The following ELAPOR2 variants were observed in gnomAD, a reference collection of about 807,000 sequenced individuals.
ELAPOR2 encodes the protein endosome-lysosome associated apoptosis and autophagy regulator family member 2.
Under a neutral mutation model 120.7 loss-of-function variants are expected in ELAPOR2, and 89 were observed. The ratio of observed to expected loss-of-function variants is 0.74; its 90% CI spans 0.62 to 0.88. ELAPOR2 has a LOEUF of 0.88. ELAPOR2 is among the 40% of genes least tolerant of loss of function. The pLI is 0.00. For synonymous variants in ELAPOR2, 444 were observed against 444.9 expected (o/e 1.00, Z 0.03); for missense variants, 1,134 against 1,251.6 (o/e 0.91, Z 1.42).
chr7:87,016,754 G>T (rs1388410328), intron 1 of ELAPOR2, among the ~76,000 whole-genome samples: 2 of 151,332 alleles, frequency 1.3e-5, no homozygotes, highest in African/African-American at 4.8e-5. Context: ...ACTACACAAC[G>T]TGGGTTCTGA....
chr7:86,906,500 C>G (rs944882135), intron 18 of ELAPOR2, among the ~76,000 whole-genome samples: 53 of 152,098 alleles, frequency 3.5e-4, no homozygotes, highest in African/African-American at 1.3e-3. Flanking sequence ...ACCCCTGTAA[C>G]TATTTTTAGG....
chr7:86,897,744 G>T, intron 18 of ELAPOR2, 112 bp from the exon 19 acceptor site: 1 of 1,228,426 alleles, frequency 8.1e-7, no homozygotes. Context: ...CTGTGTGGAT[G>T]CTGAAGAAAC....
chr7:87,040,661 G>GA (rs1652699490), intron 1 of ELAPOR2, among the ~76,000 whole-genome samples: 3 of 152,188 alleles, frequency 2.0e-5, no homozygotes, highest in South Asian at 4.1e-4. Context: ...ACAAAGAGGG[G>GA]AAAAAACAGA....
intron 7 of ELAPOR2, 75 bp from the exon 8 acceptor site, chr7:86,938,289 A>G (rs1255643834): frequency 2.7e-6 from 3 of 1,124,450 alleles, no homozygotes; most frequent in Non-Finnish European, 3.9e-6. Flanking sequence ...AAAGCAAAAC[A>G]GAAAAAGCAA....
intron 1 of ELAPOR2, among the ~76,000 whole-genome samples, chr7:87,056,147 A>G (rs953188598): frequency 1.3e-5 from 2 of 152,310 alleles, no homozygotes; most frequent in African/African-American, 2.4e-5. Context: ...GGATGGGCCT[A>G]TCCTAGGAAC....
intron 1 of ELAPOR2, among the ~76,000 whole-genome samples, chr7:87,044,018 A>C (rs1293054192): frequency 4.1e-5 from 6 of 145,156 alleles, no homozygotes; most frequent in African/African-American, 1.6e-4. Flanking sequence ...TGCTTCAAAG[A>C]GAATAAAATA....
intron 12 of ELAPOR2, among the ~76,000 whole-genome samples, chr7:86,916,877 G>T (rs1321238929): frequency 6.6e-6 from 1 of 150,784 alleles, no homozygotes; most frequent in Admixed American, 6.6e-5. Flanking sequence ...GTAGTGGCAT[G>T]ATCATGTAGC....
At chr7:87,052,465 T>G (rs763395053) in intron 1 of ELAPOR2, among the ~76,000 whole-genome samples, 1 of 152,168 alleles carries the variant, frequency 6.6e-6, no homozygotes, top group Non-Finnish European at 1.5e-5. Flanking sequence ...AAGATGAGAT[T>G]TGGGTGGGAA....
intron 1 of ELAPOR2, among the ~76,000 whole-genome samples, chr7:86,982,863 A>G (rs1792557721): frequency 6.6e-6 from 1 of 152,144 alleles, no homozygotes; most frequent in Non-Finnish European, 1.5e-5. Flanking sequence ...AGTAGGCTTC[A>G]GAAGGTCAGT....
At chr7:86,912,847 C>T in intron 14 of ELAPOR2, 94 bp downstream of exon 14, 2 of 1,415,230 alleles carry the variant, frequency 1.4e-6, no homozygotes, top group Non-Finnish European at 1.9e-6. Flanking sequence ...TAAATAGCAA[C>T]CTCATAGCTC....
intron 1 of ELAPOR2, among the ~76,000 whole-genome samples, chr7:87,017,083 G>A (rs1793893131): frequency 6.6e-6 from 1 of 152,112 alleles, no homozygotes; most frequent in African/African-American, 2.4e-5. Context: ...ATGCCATAAT[G>A]TTGAAGACGA....
chr7:87,000,156 G>A (rs557839281), intron 1 of ELAPOR2, among the ~76,000 whole-genome samples: 21 of 151,854 alleles, frequency 1.4e-4, no homozygotes, highest in East Asian at 3.9e-4. Context: ...TGGTTAATAC[G>A]CATCATTCCT....
At chr7:86,887,914 T>C (rs1042300617) in intron 21 of ELAPOR2, among the ~76,000 whole-genome samples, 1 of 151,950 alleles carries the variant, frequency 6.6e-6, no homozygotes, top group Non-Finnish European at 1.5e-5. Context: ...TATACACCAC[T>C]ACATAAGGTT....
intron 2 of ELAPOR2, among the ~76,000 whole-genome samples, chr7:86,949,958 G>T (rs149423567): frequency 6.6e-6 from 1 of 152,188 alleles, no homozygotes; most frequent in African/African-American, 2.4e-5. Context: ...TGAAGCCTGG[G>T]GGCTGGGTTG....
chr7:86,978,937 T>C (rs891251106), intron 1 of ELAPOR2, among the ~76,000 whole-genome samples: 1 of 152,230 alleles, frequency 6.6e-6, no homozygotes, highest in African/African-American at 2.4e-5. Flanking sequence ...TACTGACACA[T>C]TTCCTCAATT....
intron 1 of ELAPOR2, among the ~76,000 whole-genome samples, chr7:87,023,729 C>G (rs1031382565): frequency 2.6e-5 from 4 of 152,132 alleles, no homozygotes; most frequent in African/African-American, 7.2e-5. Flanking sequence ...TTTGTATCCT[C>G]TTTTATTTCA....
chr7:87,011,480 A>C (rs4728663), intron 1 of ELAPOR2, among the ~76,000 whole-genome samples: 57,809 of 151,988 alleles, frequency 0.38, 11,832 homozygotes, highest in African/African-American at 0.53. Flanking sequence ...AAACTTTAAA[A>C]TAATTCATAC....
At chr7:86,896,897 C>A (rs1788462017) in intron 19 of ELAPOR2, among the ~76,000 whole-genome samples, 1 of 152,062 alleles carries the variant, frequency 6.6e-6, no homozygotes, top group Non-Finnish European at 1.5e-5. Context: ...AAACTTCCTT[C>A]AGACGTTTGC....
chr7:86,897,434 G>C, intron 19 of ELAPOR2, 72 bp downstream of exon 19: 2 of 1,535,254 alleles, frequency 1.3e-6, no homozygotes, highest in Non-Finnish European at 1.8e-6. Context: ...TTCTGGACCT[G>C]AGTTTCTATG....
Sources: gnomAD v4.1 joint callset for allele counts (sites outside exome capture counted in the v4.1 genomes callset) on GRCh38, gnomAD v4.1.1 for gene constraint, MANE v1.5 for transcripts, NCBI Gene and HGNC (gene_info 2026-07-23, HGNC 2026-07-21) for gene names.